SPOCK1: variants seen among roughly 807,000 people sequenced by gnomAD.
SPOCK1 encodes the protein SPARC (osteonectin), cwcv and kazal like domains proteoglycan 1, also known as testican-1.
A neutral mutation model predicts 55.3 loss-of-function variants in SPOCK1; 23 were observed. The observed-to-expected ratio is 0.42, with a 90% CI of 0.30 to 0.59. SPOCK1 has a LOEUF of 0.59. Among genes scored for constraint, SPOCK1 ranks in the 20% least tolerant of loss-of-function variants. SPOCK1 has a pLI of 0.22. For synonymous variants in SPOCK1, 226 were observed against 221.0 expected (o/e 1.02, Z -0.20); for missense variants, 499 against 552.5 (o/e 0.90, Z 0.97).
At chr5:137,231,739 C>A (rs993417857) in intron 3 of SPOCK1, among the ~76,000 whole-genome samples, 1 of 152,218 alleles carries the variant, frequency 6.6e-6, no homozygotes, top group Admixed American at 6.5e-5. Context: ...ATTTTCATTT[C>A]TCTGGGATAA....
intron 5 of SPOCK1, among the ~76,000 whole-genome samples, chr5:137,096,509 T>A (rs902322171): frequency 6.6e-6 from 1 of 151,784 alleles, no homozygotes; most frequent in African/African-American, 2.4e-5. Context: ...AAATCAGGAG[T>A]TTGGGAAAGA....
chr5:137,194,003 A>G (rs905538187), intron 3 of SPOCK1, among the ~76,000 whole-genome samples: 1 of 151,744 alleles, frequency 6.6e-6, no homozygotes, highest in Non-Finnish European at 1.5e-5. Flanking sequence ...CCTAGCCCCA[A>G]AATGGCTGGG....
intron 2 of SPOCK1, among the ~76,000 whole-genome samples, chr5:137,344,213 G>A (rs2127157537): frequency 6.6e-6 from 1 of 152,358 alleles, no homozygotes; most frequent in African/African-American, 2.4e-5. Context: ...ATAGCTGCCT[G>A]AGAAAGGCAC....
intron 3 of SPOCK1, among the ~76,000 whole-genome samples, chr5:137,266,109 G>C (rs942623575): frequency 3.3e-5 from 5 of 152,202 alleles, no homozygotes; most frequent in African/African-American, 1.2e-4. Flanking sequence ...GCAGAGGGCA[G>C]AAAGGAGCAC....
intron 5 of SPOCK1, among the ~76,000 whole-genome samples, chr5:137,075,966 G>A (rs142990580): frequency 2.0e-5 from 3 of 152,264 alleles, no homozygotes; most frequent in Admixed American, 6.5e-5. Context: ...TTACTTAACT[G>A]GGATTTCGGA....
At chr5:137,314,225 A>G (rs999635454) in intron 2 of SPOCK1, among the ~76,000 whole-genome samples, 1 of 152,104 alleles carries the variant, frequency 6.6e-6, no homozygotes, top group Non-Finnish European at 1.5e-5. Flanking sequence ...CAAGGCAACC[A>G]GGCACATCAC....
intron 2 of SPOCK1, among the ~76,000 whole-genome samples, chr5:137,457,864 A>G (rs546033554): frequency 4.6e-5 from 7 of 152,274 alleles, no homozygotes; most frequent in Non-Finnish European, 1.0e-4. Flanking sequence ...ACAAAGTGGG[A>G]GCTGCATATG....
At chr5:137,060,976 AT>A (rs1337874635) in intron 6 of SPOCK1, among the ~76,000 whole-genome samples, 1 of 152,194 alleles carries the variant, frequency 6.6e-6, no homozygotes, top group Admixed American at 6.5e-5. Flanking sequence ...ATTCTCAAGC[AT>A]TTTTTTAAGG....
Position 137,127,881 on chromosome 5 carries a change from T to C in SPOCK1, c.347+12699A>G, listed in dbSNP as rs1016942110. 2.0e-5 allele frequency among the ~76,000 whole-genome samples: 3 copies of C among 152,328 alleles called. No individual in the cohort carries two copies. In the South Asian group the frequency reaches 6.2e-4, roughly 32 times the overall value. On this transcript the variant is annotated intron_variant, in intron 4 of 10. Coordinates refer to ENST00000394945, the MANE Select transcript of SPOCK1 (RefSeq NM_004598.4). ...TGGACTTAAGACTTTAAAGTTGATG[T>C]TGGAATGAATTAAGACGTTTATGGC...
At chr5:137,000,843 T>C (rs1031193816) in intron 6 of SPOCK1, among the ~76,000 whole-genome samples, 9 of 152,074 alleles carry the variant, frequency 5.9e-5, no homozygotes, top group African/African-American at 9.7e-5. Flanking sequence ...GAGACTAACC[T>C]GGCCAACATG....
At chr5:137,164,962 C>T (rs1031564805) in intron 3 of SPOCK1, among the ~76,000 whole-genome samples, 1 of 152,114 alleles carries the variant, frequency 6.6e-6, no homozygotes, top group Non-Finnish European at 1.5e-5. Flanking sequence ...CCAGATGGCA[C>T]CTCTGGACCT....
At position 137,183,746 on chromosome 5, in the gene SPOCK1, C is replaced by T. The variant is rs140649488; in HGVS notation, c.233-43052G>A. Among the ~76,000 whole-genome samples the T allele has an allele frequency of 2.0e-3, 311 of 152,294 alleles. 1 individual carries two copies. The highest frequency in any genetic ancestry group is 3.7e-3 in the Non-Finnish European group (252 of 68,018). The stretch of plus-strand genomic sequence containing the variant: ...AGCTGTGAGTCCAGTTTCCAGCCCT[C>T]GCTGGCTGTGTAGACGTTGGCAAGT... On this transcript the variant is annotated intron_variant, in intron 3 of 10. Coordinates refer to ENST00000394945, the MANE Select transcript of SPOCK1 (RefSeq NM_004598.4).
intron 3 of SPOCK1, among the ~76,000 whole-genome samples, chr5:137,229,978 G>C: frequency 6.6e-6 from 1 of 152,146 alleles, no homozygotes; most frequent in East Asian, 1.9e-4. Context: ...CCCTGCTGTA[G>C]AGTAGTGACA....
rs760774225 is a variant in SPOCK1, at chr5:136,978,734, T to C, written c.1240A>G (p.Arg414Gly). 1.4e-5 allele frequency: 22 copies of C among 1,614,016 alleles called. No individual in the cohort carries two copies. Among genetic ancestry groups the C allele is most frequent in the Non-Finnish European group, 1.7e-5 (20 of 1,180,006 alleles). The change falls in exon 11 of 11, where the codon AGG becomes GGG. Residue 414 changes from arginine to glycine, a missense_variant. Coordinates refer to ENST00000394945, the MANE Select transcript of SPOCK1 (RefSeq NM_004598.4). ...LGPKDKEGKL[R>G]VHTRAVTEDD... ...TCTGTCACGGCTCGGGTGTGCACCC[T>C]CAGCTTCCCCTCTTTGTCCTTTGGT...
intron 3 of SPOCK1, among the ~76,000 whole-genome samples, chr5:137,232,371 T>A (rs1756080529): frequency 6.6e-6 from 1 of 152,228 alleles, no homozygotes; most frequent in Non-Finnish European, 1.5e-5. Context: ...TGTCTATGGA[T>A]GAGGCTTCGG....
chr5:137,150,498 C>A (rs1206206142), intron 3 of SPOCK1, among the ~76,000 whole-genome samples: 2 of 151,996 alleles, frequency 1.3e-5, no homozygotes, highest in Non-Finnish European at 2.9e-5. Flanking sequence ...AGTCACAGAG[C>A]TTAATTGTTA....
intron 2 of SPOCK1, among the ~76,000 whole-genome samples, chr5:137,419,387 T>G: frequency 6.6e-6 from 1 of 152,202 alleles, no homozygotes; most frequent in Non-Finnish European, 1.5e-5. Flanking sequence ...TAAATTACCT[T>G]GGGCAGTATG....
intron 3 of SPOCK1, among the ~76,000 whole-genome samples, chr5:137,219,086 C>T (rs941025796): frequency 6.6e-6 from 1 of 152,190 alleles, no homozygotes; most frequent in Non-Finnish European, 1.5e-5. Context: ...CCTGGAATCT[C>T]TCCAAATAGA....
chr5:137,172,495 C>CAATATTTCATGCACTGTCATCTGTGCATT (rs1754772464), intron 3 of SPOCK1, among the ~76,000 whole-genome samples: 5 of 152,244 alleles, frequency 3.3e-5, no homozygotes, highest in African/African-American at 9.6e-5. Context: ...CTCTGTGCAT[C>CAATATTTCATGCACTGTCATCTGTGCATT]AATATTTCAT....
Sources: gnomAD v4.1 joint callset for allele counts (sites outside exome capture counted in the v4.1 genomes callset) on GRCh38, gnomAD v4.1.1 for gene constraint, MANE v1.5 for transcripts, NCBI Gene and HGNC (gene_info 2026-07-23, HGNC 2026-07-21) for gene names.